Variants in C4orf54 observed in about 807,000 individuals in gnomAD.
C4orf54 encodes uncharacterized protein C4orf54.
In C4orf54, 67 loss-of-function variants were observed where a neutral mutation model predicts 80.1. That is an observed-to-expected ratio of 0.84 (90% CI 0.69 to 1.03). The LOEUF (loss-of-function observed/expected upper bound fraction) is 1.03. C4orf54 is among the 50% of genes least tolerant of loss of function. The probability of loss-of-function intolerance (pLI) is 0.00; values close to 1 mark genes in which losing one functional copy is unlikely to be tolerated. For synonymous variants in C4orf54, 1,000 were observed against 917.0 expected (o/e 1.09, Z -1.64); for missense variants, 2,434 against 2,253.5 (o/e 1.08, Z -1.62).
Position 99,637,693 on chromosome 4 carries a change from C to T in C4orf54, c.*3540G>A, listed in dbSNP as rs1013295260. ...ACAAACTTACACAAAAAATTTCCCCCTCAACAGTACTGATAAAATACAGGG... is the reference window on the plus strand; with the variant it reads ...ACAAACTTACACAAAAAATTTCCCCTTCAACAGTACTGATAAAATACAGGG... On this transcript the variant is annotated 3_prime_UTR_variant, in exon 3 of 3. Transcript: ENST00000511828. 1.3e-5 allele frequency: 2 copies of T among 152,088 alleles called. No homozygotes were observed. The highest frequency in any genetic ancestry group is 4.8e-5 in the African/African-American group (2 of 41,414). The allele number at this position is 152,088 out of a possible 1,614,324, so 9.4% of individuals were successfully genotyped here. A position where few individuals can be genotyped will look rare whatever the true frequency, so the allele number is the denominator to read the frequency against.
At position 99,650,330 on chromosome 4, in the gene C4orf54, A is replaced by G; in HGVS notation, c.4319T>C (p.Ile1440Thr). Residue 1440 changes from isoleucine to threonine, a missense_variant, in exon 2 of 3, where the codon ATC becomes ACC. By Grantham distance (89) the Ile-to-Thr change is moderately conservative. Coordinates refer to ENST00000511828, the MANE Select transcript of C4orf54 (RefSeq NM_001354435.2). ...IKSQGLRSLK[I>T]SPATRAPPDE... The stretch of plus-strand genomic sequence containing the variant: ...AGGAGGTGCCCGGGTGGCTGGAGAG[A>G]TCTTGAGGGACCGGAGTCCCTGCGA... 5.9e-6 allele frequency: 9 copies of G among 1,535,764 alleles called. No homozygotes were observed. The highest frequency in any genetic ancestry group is 7.8e-6 in the Non-Finnish European group (9 of 1,146,836).
rs760940167 is a variant in C4orf54, at chr4:99,652,224, C to A, written c.2425G>T (p.Ala809Ser). 1.6e-5 allele frequency: 25 copies of A among 1,535,890 alleles called. No homozygotes were observed. In the South Asian group the frequency reaches 2.7e-4, roughly 17 times the overall value. ...RADGPQKSKFASSLLKNVISK... is the reference protein window; with the variant it reads ...RADGPQKSKFSSSLLKNVISK... ...ATGACATTTTTGAGCAGACTGGAGG[C>A]GAACTTGGACTTCTGGGGGCCATCG... Residue 809 changes from alanine to serine, a missense_variant, in exon 2 of 3, where the codon GCC becomes TCC. Coordinates refer to ENST00000511828, the MANE Select transcript of C4orf54 (RefSeq NM_001354435.2).
At chr4:99,646,563 G>A (rs574231000) in intron 2 of C4orf54, among the ~76,000 whole-genome samples, 13 of 152,160 alleles carry the variant, frequency 8.5e-5, no homozygotes, top group Non-Finnish European at 1.3e-4. Flanking sequence ...TCTGCAGGGA[G>A]CAAGGTGTGG....
chr4:99,653,116 G>A lies in C4orf54; in HGVS notation c.1533C>T (p.Ser511=). The A allele has an allele frequency of 6.5e-7, 1 of 1,536,252 alleles. No individual in the cohort carries two copies. The highest frequency in any genetic ancestry group is 1.7e-4 in the Middle Eastern group (1 of 5,990). ...GGATCTGGCTTGCTGCACTCCCACA[G>A]CTGCTTGCGGCGGCGGCTGCTGCCC... is the stretch of plus-strand genomic sequence containing the variant. The part of the protein sequence containing the change: ...ASGAAAAAAS[S]CGSAASQILL... Residue 511 remains serine (S), a synonymous_variant, in exon 2 of 3, where the codon AGC becomes AGT. Transcript: ENST00000511828.
At position 99,654,094 on chromosome 4, in the gene C4orf54, T is replaced by G. The variant is rs770840667; in HGVS notation, c.555A>C (p.Ser185=). ...KQQLWPLPKP[S]ASSQREAKYV... is the part of the protein sequence containing the mutation. ...ATTTCGCTTCTCGCTGGGAGGAGGCTGAAGGCTTGGGAAGTGGCCACAGCT... is the reference window on the plus strand; with the variant it reads ...ATTTCGCTTCTCGCTGGGAGGAGGCGGAAGGCTTGGGAAGTGGCCACAGCT... The change falls in exon 2 of 3, where the codon TCA becomes TCC. Residue 185 remains serine, a synonymous_variant. Transcript: ENST00000511828. 1 of 1,536,020 alleles carries G rather than the reference T, an allele frequency of 6.5e-7. No individual in the cohort carries two copies. Among genetic ancestry groups the G allele is most frequent in the Admixed American group, 2.0e-5 (1 of 50,984 alleles).
In C4orf54 at chr4:99,652,412, C is replaced by G. The variant is rs878985096; in HGVS notation, c.2237G>C (p.Arg746Pro). The G allele has an allele frequency of 1.3e-6, 2 of 1,536,044 alleles. No individual in the cohort carries two copies. Among genetic ancestry groups the G allele is most frequent in the Non-Finnish European group, 1.7e-6 (2 of 1,146,896 alleles). ...CFQKQVQTGS[R>P]VVTLLEPLNV... ...CAGGGGCTCCAAAAGGGTGACGACGCGGGAGCCCGTCTGGACCTGCTTCTG... is the reference window on the plus strand; with the variant it reads ...CAGGGGCTCCAAAAGGGTGACGACGGGGGAGCCCGTCTGGACCTGCTTCTG... Residue 746 changes from arginine to proline, a missense_variant, in exon 2 of 3, where the codon CGC becomes CCC. By Grantham distance (103) the Arg-to-Pro change is moderately radical. Transcript: ENST00000511828.
At position 99,650,182 on chromosome 4, in the gene C4orf54, C is replaced by T; in HGVS notation, c.4467G>A (p.Gly1489=). ...SAAGELLSRP[G]ASREGPPNSS... is the part of the protein sequence containing the mutation. ...AGTTGGGGGGCCCCTCCCTGGAAGCCCCAGGCCTGCTAAGAAGCTCCCCTG... is the reference window on the plus strand; with the variant it reads ...AGTTGGGGGGCCCCTCCCTGGAAGCTCCAGGCCTGCTAAGAAGCTCCCCTG... The change falls in exon 2 of 3, where the codon GGG becomes GGA. Residue 1489 remains glycine, a synonymous_variant. Transcript: ENST00000511828. 2.6e-6 allele frequency: 4 copies of T among 1,536,006 alleles called. No individual in the cohort carries two copies. The highest frequency in any genetic ancestry group is 3.5e-6 in the Non-Finnish European group (4 of 1,146,878).
chr4:99,649,658 G>T lies in C4orf54; in HGVS notation c.4991C>A (p.Pro1664His). Reference sequence around the variant, plus strand: ...ATAAGCCCCAGGACTCAGGGCCAAGGGAGGCACAGAGATGGACATGGGAGC... The same window carrying T: ...ATAAGCCCCAGGACTCAGGGCCAAGTGAGGCACAGAGATGGACATGGGAGC... ...AVAPMSISVPPLALSPGAYGP... is the reference protein window; with the variant it reads ...AVAPMSISVPHLALSPGAYGP... The change falls in exon 2 of 3, where the codon CCC becomes CAC. Residue 1664 changes from proline (P) to histidine (H), a missense_variant. Physicochemically the swap from Pro to His is moderately conservative, Grantham distance 77. Transcript: ENST00000511828. 3.3e-6 allele frequency: 5 copies of T among 1,536,136 alleles called. No homozygotes were observed. The South Asian group carries it at 5.9e-5, about 18-fold the overall frequency.
chr4:99,639,343 T>C lies in C4orf54; in HGVS notation c.*1890A>G, dbSNP rs1002118695. ...CTTGGGTCAATATTAAGTTACCTTA[T>C]ACCCAGCCAATCTCTCCTGAAAACG... On this transcript the variant is annotated 3_prime_UTR_variant, in exon 3 of 3. Coordinates refer to ENST00000511828, the MANE Select transcript of C4orf54 (RefSeq NM_001354435.2). The C allele has an allele frequency of 3.3e-5, 5 of 152,154 alleles. No individual in the cohort carries two copies. The highest frequency in any genetic ancestry group is 1.2e-4 in the African/African-American group (5 of 41,456). 9.4% of individuals were successfully genotyped at this position (152,154 alleles called of 1,614,324 possible). A position where few individuals can be genotyped will look rare whatever the true frequency, so the allele number is the denominator to read the frequency against.
chr4:99,651,417 C>G lies in C4orf54; in HGVS notation c.3232G>C (p.Gly1078Arg). ...NSRAQQKLFR[G>R]DNLEKVPHFQ... is the part of the protein sequence containing the mutation. ...TGGGGCACTTTTTCTAGGTTGTCCCCGCGGAAGAGTTTCTGCTGTGCCCTG... is the reference window on the plus strand; with the variant it reads ...TGGGGCACTTTTTCTAGGTTGTCCCGGCGGAAGAGTTTCTGCTGTGCCCTG... Residue 1078 changes from glycine (G) to arginine (R), a missense_variant, in exon 2 of 3, where the codon GGG (glycine) becomes CGG (arginine). By Grantham distance (125) the Gly-to-Arg change is moderately radical (BLOSUM62 -2). Coordinates refer to ENST00000511828, the MANE Select transcript of C4orf54 (RefSeq NM_001354435.2). 1 of 1,536,252 alleles carries G rather than the reference C, an allele frequency of 6.5e-7. No individual in the cohort carries two copies.
chr4:99,640,313 T>C lies in C4orf54; in HGVS notation c.*920A>G, dbSNP rs1319159889. ...AATCAGAGCCACTGAATTAGTGCCA[T>C]ATTCTACTCTACTGCCCCAAATGGG... is the stretch of plus-strand genomic sequence containing the variant. On this transcript the variant is annotated 3_prime_UTR_variant, in exon 3 of 3. Coordinates refer to ENST00000511828, the MANE Select transcript of C4orf54 (RefSeq NM_001354435.2). The C allele has an allele frequency of 6.6e-6, 1 of 152,170 alleles. No individual in the cohort carries two copies. Among genetic ancestry groups the C allele is most frequent in the Non-Finnish European group, 1.5e-5 (1 of 68,000 alleles). The allele number at this position is 152,170 out of a possible 1,614,324, so 9.4% of individuals were successfully genotyped here.
chr4:99,656,035 C>T (rs1055203457), intron 1 of C4orf54, among the ~76,000 whole-genome samples: 2 of 152,100 alleles, frequency 1.3e-5, no homozygotes, highest in South Asian at 2.1e-4. Flanking sequence ...ACAAGCCTGC[C>T]GTTATCCTCT....
chr4:99,651,266 T>G lies in C4orf54; in HGVS notation c.3383A>C (p.Gln1128Pro), dbSNP rs1233626867. 4.6e-6 allele frequency: 7 copies of G among 1,536,062 alleles called. No homozygotes were observed. The change falls in exon 2 of 3, where the codon CAG becomes CCG. Residue 1128 changes from glutamine to proline, a missense_variant. Coordinates refer to ENST00000511828, the MANE Select transcript of C4orf54 (RefSeq NM_001354435.2). Reference protein sequence around the residue: ...SSDKGSVTPEQGLTGPKPRQL... With the variant: ...SSDKGSVTPEPGLTGPKPRQL... ...CCTGGGTTTGGGTCCAGTCAGCCCC[T>G]GCTCTGGGGTAACACTGCCCTTGTC...
At chr4:99,649,029 C>G (rs756591656) in intron 2 of C4orf54, among the ~76,000 whole-genome samples, 1 of 152,156 alleles carries the variant, frequency 6.6e-6, no homozygotes, top group Non-Finnish European at 1.5e-5. Context: ...CAAAGGCCGA[C>G]CTTGGGGACT....
rs1204068957 is a variant in C4orf54 at position 99,652,327 on chromosome 4, G to T, written c.2322C>A (p.Gly774=). The stretch of plus-strand genomic sequence containing the variant: ...ATGCCGACCCGGGACCCTTGCCGGG[G>T]CCTTTGGTGGCCCTGCCGGGCCCAG... ...SAPGPGRATK[G]PGKGPGSAYT... Residue 774 remains glycine, a synonymous_variant, in exon 2 of 3, where the codon GGC becomes GGA. Transcript: ENST00000511828. 11 of 1,535,878 alleles carry T rather than the reference G, an allele frequency of 7.2e-6. No individual in the cohort carries two copies. The African/African-American group carries it at 1.1e-4, about 15-fold the overall frequency.
rs983110665 is a variant in C4orf54 at position 99,654,317 on chromosome 4, C to T, written c.332G>A (p.Arg111Gln). 1.2e-5 allele frequency: 18 copies of T among 1,499,360 alleles called. No individual in the cohort carries two copies. Among genetic ancestry groups the T allele is most frequent in the African/African-American group, 8.3e-5 (6 of 72,202 alleles). The allele number at this position is 1,499,360 out of a possible 1,614,324, so 92.9% of individuals were successfully genotyped here. A position where few individuals can be genotyped will look rare whatever the true frequency, so the allele number is the denominator to read the frequency against. Reference protein sequence around the residue: ...GPVQIRGTLLRATLQPLRGQR... With the variant: ...GPVQIRGTLLQATLQPLRGQR... ...GCCCCGGAGGGGCTGCAGAGTTGCC[C>T]GAAGCAGGGTCCCACGTATCTGGAC... The change falls in exon 2 of 3, where the codon CGG becomes CAG. Residue 111 changes from arginine (R) to glutamine (Q), a missense_variant. By Grantham distance (43) the Arg-to-Gln change is conservative. Transcript: ENST00000511828.
Position 99,650,385 on chromosome 4 carries a change from C to A in C4orf54, c.4264G>T (p.Glu1422Ter), listed in dbSNP as rs1029749349. 1 of 1,536,040 alleles carries A rather than the reference C, an allele frequency of 6.5e-7. No individual in the cohort carries two copies. The change falls in exon 2 of 3, where the codon GAG (glutamate) becomes TAG (stop). Residue 1422 changes from glutamate to a stop codon, truncating the protein, a stop_gained. Coordinates refer to ENST00000511828, the MANE Select transcript of C4orf54 (RefSeq NM_001354435.2). LOFTEE classifies it high-confidence loss of function. ...ATGCCCTTAGCTGCTGAAGGACTCT[C>A]CGGAGAAGGCCCTTGTGGGAACTTG... Reference protein sequence around the residue: ...AGKFPQGPSPESPSAAKGIKS... With the variant: ...AGKFPQGPSP
Position 99,636,612 on chromosome 4 carries a change from C to G in C4orf54, c.*4621G>C, listed in dbSNP as rs1349329823. The stretch of plus-strand genomic sequence containing the variant: ...ACAGTCAAAATAAAAGACCATTACA[C>G]AAGATTGCACAATCATTTACAAATG... On this transcript the variant is annotated 3_prime_UTR_variant, in exon 3 of 3. Coordinates refer to ENST00000511828, the MANE Select transcript of C4orf54 (RefSeq NM_001354435.2). 2.0e-5 allele frequency: 3 copies of G among 151,848 alleles called. No individual in the cohort carries two copies. The highest frequency in any genetic ancestry group is 2.9e-5 in the Non-Finnish European group (2 of 67,964). The allele number at this position is 151,848 out of a possible 1,614,324, so 9.4% of individuals were successfully genotyped here.
At position 99,641,171 on chromosome 4, in the gene C4orf54, G is replaced by A. The variant is rs974492545; in HGVS notation, c.*62C>T. Reference sequence around the variant, plus strand: ...ACAATGCAAATTCCAGATTAAAGAAGAATAGTCCATCTTTTTGTCTTGCTC... The same window carrying A: ...ACAATGCAAATTCCAGATTAAAGAAAAATAGTCCATCTTTTTGTCTTGCTC... On this transcript the variant is annotated 3_prime_UTR_variant, in exon 3 of 3. Transcript: ENST00000511828. 2 of 151,878 alleles carry A rather than the reference G, an allele frequency of 1.3e-5. No individual in the cohort carries two copies. The highest frequency in any genetic ancestry group is 2.9e-5 in the Non-Finnish European group (2 of 67,908). The allele number at this position is 151,878 out of a possible 1,614,324, so 9.4% of individuals were successfully genotyped here.
Sources: gnomAD v4.1 joint callset for allele counts (sites outside exome capture counted in the v4.1 genomes callset) on GRCh38, gnomAD v4.1.1 for gene constraint, MANE v1.5 for transcripts, NCBI Gene and HGNC (gene_info 2026-07-23, HGNC 2026-07-21) for gene names.